ATXN10: variants seen among roughly 807,000 people sequenced by gnomAD.
ATXN10 encodes ataxin 10.
Under a neutral mutation model 52.9 loss-of-function variants are expected in ATXN10, and 28 were observed. The observed-to-expected ratio is 0.53, with a 90% CI of 0.39 to 0.73. The LOEUF is 0.73. Among genes scored for constraint, ATXN10 ranks in the 30% least tolerant of loss-of-function variants. The probability of loss-of-function intolerance (pLI) is 0.00; values close to 1 mark genes in which losing one functional copy is unlikely to be tolerated. For missense variants in ATXN10, 565 were observed against 577.0 expected, an observed-to-expected ratio of 0.98 and a Z score of 0.21; for synonymous variants, 226 against 221.5, an observed-to-expected ratio of 1.02 and a Z score of -0.18.
rs763390497 is a variant in ATXN10 at position 45,843,625 on chromosome 22, C to A, written c.1426-44C>A. On this transcript the variant is annotated intron_variant, in intron 11 of 11. Coordinates refer to ENST00000252934, the MANE Select transcript of ATXN10 (RefSeq NM_013236.4). This position sits in a 1 kb window ranked among gnomAD's most constrained non-coding sequence, Gnocchi z 4.5. Reference sequence around the variant, plus strand: ...CCTTTTGTCTGATGAATCTTGTGAACAGATTTGCTACATCTGCAATTTTGT... The same window carrying A: ...CCTTTTGTCTGATGAATCTTGTGAAAAGATTTGCTACATCTGCAATTTTGT... The A allele has an allele frequency of 1.7e-5, 27 of 1,601,620 alleles. No individual in the cohort carries two copies. Among genetic ancestry groups the A allele is most frequent in the Non-Finnish European group, 2.2e-5 (26 of 1,170,222 alleles).
chr22:45,723,628 T>C (rs1301966686), intron 6 of ATXN10, among the ~76,000 whole-genome samples: 1 of 152,130 alleles, frequency 6.6e-6, no homozygotes, highest in East Asian at 1.9e-4. Flanking sequence ...ACATATGGTA[T>C]TTGATTTTTC....
intron 9 of ATXN10, among the ~76,000 whole-genome samples, chr22:45,752,946 G>A (rs2146819144): frequency 6.6e-6 from 1 of 151,996 alleles, no homozygotes; most frequent in South Asian, 2.1e-4. Context: ...GTTGGTCAGG[G>A]TGGTCTTGAA....
At position 45,681,129 on chromosome 22, in the gene ATXN10, T is replaced by A. The variant is rs919634716; in HGVS notation, c.117-8583T>A. Among the ~76,000 whole-genome samples the A allele has an allele frequency of 6.6e-6, 1 of 152,236 alleles. No individual in the cohort carries two copies. The highest frequency in any genetic ancestry group is 2.1e-4 in the South Asian group (1 of 4,828). ...GAGACCTTTGGGTCAGTCTGCCTCA[T>A]TCCTTGAAGAGTTTAGCCCTGGCTC... On this transcript the variant is annotated intron_variant, in intron 1 of 11. Transcript: ENST00000252934. The surrounding 1 kb of genome is among the most constrained non-coding windows in gnomAD (Gnocchi z 4.2).
At chr22:45,740,744 G>C (rs1925497127) in intron 9 of ATXN10, 2 of 362,968 alleles carry the variant, frequency 5.5e-6, no homozygotes, top group Non-Finnish European at 9.7e-6. Flanking sequence ...ACACACGTGT[G>C]TGTGTGTGTG....
At chr22:45,702,001 G>A (rs148786758) in intron 4 of ATXN10, among the ~76,000 whole-genome samples, 243 of 152,282 alleles carry the variant, frequency 1.6e-3, no homozygotes, top group Non-Finnish European at 2.6e-3. Flanking sequence ...GCATTTATGG[G>A]ACAGATATAA....
chr22:45,803,010 C>T (rs1927978441), intron 9 of ATXN10, among the ~76,000 whole-genome samples: 1 of 152,188 alleles, frequency 6.6e-6, no homozygotes, highest in Non-Finnish European at 1.5e-5. Context: ...GAGCTACTGC[C>T]CAACCCCTTG....
At position 45,763,984 on chromosome 22, in the gene ATXN10, G is replaced by A. The variant is rs940756691; in HGVS notation, c.1173+23446G>A. Among the ~76,000 whole-genome samples the A allele has an allele frequency of 3.3e-5, 5 of 151,864 alleles. No homozygotes were observed. The highest frequency in any genetic ancestry group is 1.2e-4 in the African/African-American group (5 of 41,308). On this transcript the variant is annotated intron_variant, in intron 9 of 11. Coordinates refer to ENST00000252934, the MANE Select transcript of ATXN10 (RefSeq NM_013236.4). The surrounding 1 kb of genome is among the most constrained non-coding windows in gnomAD (Gnocchi z 6.9). ...GAGAAAATTATAATACCTGACTTGT[G>A]AGTTCCATTCCAGAATTCGGCCAGC...
Position 45,754,228 on chromosome 22 carries a change from T to C in ATXN10, c.1173+13690T>C, listed in dbSNP as rs1230015551. On this transcript the variant is annotated intron_variant, in intron 9 of 11. Transcript: ENST00000252934. The surrounding 1 kb of genome is among the most constrained non-coding windows in gnomAD (Gnocchi z 5.4). ...GTACCTTCGTGGTGCATGGGAAATT[T>C]TGATTCAGGTGAAAAAACAGTTTAA... Among the ~76,000 whole-genome samples the C allele has an allele frequency of 6.6e-6, 1 of 152,226 alleles. No homozygotes were observed. Among genetic ancestry groups the C allele is most frequent in the African/African-American group, 2.4e-5 (1 of 41,464 alleles).
At chr22:45,748,059 C>A (rs2146811956) in intron 9 of ATXN10, among the ~76,000 whole-genome samples, 1 of 152,086 alleles carries the variant, frequency 6.6e-6, no homozygotes, top group East Asian at 1.9e-4. Flanking sequence ...TTAGCCAGTG[C>A]TCCCAGGTGC....
In ATXN10 at chr22:45,689,881, T is replaced by A. The variant is rs1272354921; in HGVS notation, c.286T>A (p.Ser96Thr). Residue 96 changes from serine (S) to threonine (T), a missense_variant, in exon 2 of 12, where the codon TCT becomes ACT. Ser to Thr is a moderately conservative substitution (Grantham distance 58). Coordinates refer to ENST00000252934, the MANE Select transcript of ATXN10 (RefSeq NM_013236.4). ...TCTTCGCAATGCTTGCATAGAGTGT[T>A]CTGTGAACCAGAATTCAATCAGGTA... ...RCLRNACIEC[S>T]VNQNSIRNLD... 10 of 1,614,170 alleles carry A rather than the reference T, an allele frequency of 6.2e-6. No homozygotes were observed. The highest frequency in any genetic ancestry group is 7.6e-6 in the Non-Finnish European group (9 of 1,180,020).
rs1316249427 is a variant in ATXN10, at chr22:45,759,679, C to G, written c.1173+19141C>G. On this transcript the variant is annotated intron_variant, in intron 9 of 11. Transcript: ENST00000252934. The surrounding 1 kb of genome is among the most constrained non-coding windows in gnomAD (Gnocchi z 5.4). ...GCCAGTTTACCAAGCTGCATCAGCT[C>G]CTCCCTCCCAGCCACCCTGCCCTTC... Among the ~76,000 whole-genome samples the G allele has an allele frequency of 1.4e-4, 22 of 152,118 alleles. No individual in the cohort carries two copies. Among genetic ancestry groups the G allele is most frequent in the Admixed American group, 1.4e-3 (22 of 15,276 alleles).
At chr22:45,810,530 C>T (rs987908509) in intron 10 of ATXN10, among the ~76,000 whole-genome samples, 1 of 152,170 alleles carries the variant, frequency 6.6e-6, no homozygotes, top group African/African-American at 2.4e-5. Flanking sequence ...ATTTAAAGCC[C>T]CCACATACTG....
chr22:45,776,105 A>G (rs1436997663), intron 9 of ATXN10, among the ~76,000 whole-genome samples: 2 of 152,158 alleles, frequency 1.3e-5, no homozygotes, highest in Non-Finnish European at 2.9e-5. Flanking sequence ...CGAAATCAAG[A>G]TGGTGATATA....
chr22:45,713,981 A>G (rs1924350439), intron 5 of ATXN10, among the ~76,000 whole-genome samples: 1 of 152,204 alleles, frequency 6.6e-6, no homozygotes, highest in African/African-American at 2.4e-5. Context: ...TCGCATGTGG[A>G]CAAGTAATGA....
At chr22:45,836,504 T>A (rs1929172258) in intron 10 of ATXN10, among the ~76,000 whole-genome samples, 1 of 152,072 alleles carries the variant, frequency 6.6e-6, no homozygotes, top group African/African-American at 2.4e-5. Context: ...ACAAGTCCCA[T>A]GAAACTCCAG....
rs1162108127 is a variant in ATXN10, at chr22:45,738,824, C to A, written c.988C>A (p.Leu330Met). ...LGYLQVFPGL[L>M]ERVIDLLRVI... ...CTATCTGCAGGTTTTCCCTGGCTTG[C>A]TGGAAAGAGTGATTGGTGAGTGAAA... Residue 330 changes from leucine to methionine, a missense_variant, in exon 8 of 12, where the codon CTG becomes ATG. Leu to Met is a conservative substitution (Grantham distance 15). Coordinates refer to ENST00000252934, the MANE Select transcript of ATXN10 (RefSeq NM_013236.4). 3 of 1,613,810 alleles carry A rather than the reference C, an allele frequency of 1.9e-6. No individual in the cohort carries two copies. Among genetic ancestry groups the A allele is most frequent in the East Asian group, 2.2e-5 (1 of 44,882 alleles).
chr22:45,779,338 C>CACAT (rs777585782), intron 9 of ATXN10, among the ~76,000 whole-genome samples: 2 of 152,104 alleles, frequency 1.3e-5, no homozygotes, highest in Non-Finnish European at 2.9e-5. Flanking sequence ...TTTGTTGGAC[C>CACAT]ACATAGTCAC....
rs912070493 is a variant in ATXN10, at chr22:45,696,147, T to G, written c.391+3069T>G. On this transcript the variant is annotated intron_variant, in intron 3 of 11. Transcript: ENST00000252934. The surrounding 1 kb of genome is among the most constrained non-coding windows in gnomAD (Gnocchi z 4.7). ...GATGTAGGATTTAGTTGTGAAATGTTTTTACGATATTATATATTTAAAGAT... is the reference window on the plus strand; with the variant it reads ...GATGTAGGATTTAGTTGTGAAATGTGTTTACGATATTATATATTTAAAGAT... 6.6e-6 allele frequency among the ~76,000 whole-genome samples: 1 copy of G among 152,190 alleles called. No individual in the cohort carries two copies. The highest frequency in any genetic ancestry group is 1.5e-5 in the Non-Finnish European group (1 of 68,032).
In ATXN10 at chr22:45,772,366, G is replaced by C. The variant is rs1926807854; in HGVS notation, c.1173+31828G>C. On this transcript the variant is annotated intron_variant, in intron 9 of 11. Coordinates refer to ENST00000252934, the MANE Select transcript of ATXN10 (RefSeq NM_013236.4). This position sits in a 1 kb window ranked among gnomAD's most constrained non-coding sequence, Gnocchi z 4.1. ...TTCATTGAATTGCTTTTGCACCTTT[G>C]TCAAAGATCAAATGGCCCAATTTGT... Among the ~76,000 whole-genome samples, 1 of 152,082 alleles carries C rather than the reference G, an allele frequency of 6.6e-6. No individual in the cohort carries two copies. The highest frequency in any genetic ancestry group is 6.6e-5 in the Admixed American group (1 of 15,266).
Sources: allele counts gnomAD v4.1 joint callset (sites outside exome capture counted in the v4.1 genomes callset), GRCh38; gene constraint gnomAD v4.1.1; non-coding constraint Gnocchi (gnomAD v3.1); transcripts MANE v1.5; gene names NCBI Gene and HGNC (gene_info 2026-07-23, HGNC 2026-07-21).